The following PIK3C2G variants were observed in gnomAD, a reference collection of about 807,000 sequenced individuals.
PIK3C2G encodes phosphatidylinositol 3-kinase C2 domain-containing subunit gamma.
Under a neutral mutation model 181.1 loss-of-function variants are expected in PIK3C2G, and 168 were observed. The observed-to-expected ratio is 0.93, with a 90% CI of 0.82 to 1.05. The LOEUF (loss-of-function observed/expected upper bound fraction) is 1.05. Ranked by LOEUF, PIK3C2G falls within the 50% of genes least tolerant of loss-of-function variation. The probability of loss-of-function intolerance (pLI) is 0.00; values close to 1 mark genes in which losing one functional copy is unlikely to be tolerated. For missense variants in PIK3C2G, 1,869 were observed against 1,732.8 expected, an observed-to-expected ratio of 1.08 and a Z score of -1.40; for synonymous variants, 573 against 592.2, an observed-to-expected ratio of 0.97 and a Z score of 0.47.
rs375680285 is a variant in PIK3C2G, at chr12:18,640,633, T to G, written c.4308+79T>G. The G allele has an allele frequency of 4.1e-5, 52 of 1,280,562 alleles. 2 individuals carry two copies. The highest frequency in any genetic ancestry group is 2.3e-4 in the Admixed American group (10 of 43,780). 79.3% of individuals were successfully genotyped at this position (1,280,562 alleles called of 1,614,324 possible). On this transcript the variant is annotated intron_variant, in intron 32 of 32. Coordinates refer to ENST00000538779, the MANE Select transcript of PIK3C2G (RefSeq NM_001288772.2). ...CAGCTTAACAACCAAATATGGAAAA[T>G]TTGCAGTAATTGGCAGCATTATTTC... is the stretch of plus-strand genomic sequence containing the variant.
intron 13 of PIK3C2G, among the ~76,000 whole-genome samples, chr12:18,375,604 TG>T (rs1325879985): frequency 6.6e-6 from 1 of 152,174 alleles, no homozygotes; most frequent in Non-Finnish European, 1.5e-5. Context: ...GAAATGGACT[TG>T]GAGCAACCAC....
rs183410664 is a variant in PIK3C2G at position 18,543,279 on chromosome 12, G to A, written c.3481-3044G>A. Among the ~76,000 whole-genome samples, 21 of 151,692 alleles carry A rather than the reference G, an allele frequency of 1.4e-4. No individual in the cohort carries two copies. The South Asian group carries it at 2.5e-3, about 18-fold the overall frequency. On this transcript the variant is annotated intron_variant, in intron 25 of 32. Coordinates refer to ENST00000538779, the MANE Select transcript of PIK3C2G (RefSeq NM_001288772.2). The stretch of plus-strand genomic sequence containing the variant: ...AAATTTGTTTAAGTTTCTTATAGAC[G>A]CTGGGTATTAGACCTTTGTCAGATA...
chr12:18,334,008 T>A, intron 8 of PIK3C2G, among the ~76,000 whole-genome samples: 1 of 152,148 alleles, frequency 6.6e-6, no homozygotes, highest in East Asian at 1.9e-4. Context: ...TCAAGTATGA[T>A]TAATTAATTC....
At chr12:18,437,304 CTTGT>C (rs1946502264) in intron 18 of PIK3C2G, among the ~76,000 whole-genome samples, 1 of 151,898 alleles carries the variant, frequency 6.6e-6, no homozygotes, top group South Asian at 2.1e-4. Context: ...CAGTTACTTT[CTTGT>C]TTATTGTCTA....
chr12:18,527,252 A>C (rs1038719981), intron 24 of PIK3C2G, among the ~76,000 whole-genome samples: 1 of 152,186 alleles, frequency 6.6e-6, no homozygotes, highest in Admixed American at 6.5e-5. Flanking sequence ...TTTTAGACTA[A>C]ATTTGTAGAA....
intron 1 of PIK3C2G, among the ~76,000 whole-genome samples, chr12:18,278,696 G>A (rs560586314): frequency 2.0e-5 from 3 of 152,160 alleles, no homozygotes; most frequent in South Asian, 2.1e-4. Context: ...TTTCAAAGTC[G>A]AAGTGTATGA....
At chr12:18,260,383 A>C (rs957505268), upstream of PIK3C2G, among the ~76,000 whole-genome samples, 1 of 152,056 alleles carries the variant, frequency 6.6e-6, no homozygotes, top group Non-Finnish European at 1.5e-5. Context: ...CAAAGCTAAG[A>C]ATTGCAGCTC....
chr12:18,395,248 C>A (rs1176210363), intron 15 of PIK3C2G, among the ~76,000 whole-genome samples: 1 of 149,222 alleles, frequency 6.7e-6, no homozygotes, highest in Non-Finnish European at 1.5e-5. Flanking sequence ...ATAAAATAAA[C>A]AAATTCCATA....
At chr12:18,281,721 A>G (rs1949226793) in intron 1 of PIK3C2G, among the ~76,000 whole-genome samples, 1 of 152,184 alleles carries the variant, frequency 6.6e-6, no homozygotes, top group East Asian at 1.9e-4. Context: ...CAATAGAAAA[A>G]GAGAATATTG....
At chr12:18,499,472 A>G (rs1941256478) in intron 22 of PIK3C2G, among the ~76,000 whole-genome samples, 1 of 152,238 alleles carries the variant, frequency 6.6e-6, no homozygotes, top group Non-Finnish European at 1.5e-5. Context: ...CCATGACTTT[A>G]TCAACATTAT....
At chr12:18,365,222 T>C (rs1196644081) in intron 12 of PIK3C2G, among the ~76,000 whole-genome samples, 1 of 152,184 alleles carries the variant, frequency 6.6e-6, no homozygotes, top group Non-Finnish European at 1.5e-5. Flanking sequence ...ACATATAAAA[T>C]CTTGACAAGA....
chr12:18,301,047 C>T (rs551060723), intron 5 of PIK3C2G, among the ~76,000 whole-genome samples: 1 of 151,952 alleles, frequency 6.6e-6, no homozygotes, highest in Non-Finnish European at 1.5e-5. Context: ...TCTTACATGG[C>T]CTGTAAAGTT....
Position 18,381,153 on chromosome 12 carries a change from A to G in PIK3C2G, c.1881-613A>G, listed in dbSNP as rs1471070869. Among the ~76,000 whole-genome samples, 3 of 152,184 alleles carry G rather than the reference A, an allele frequency of 2.0e-5. No homozygotes were observed. The East Asian group carries it at 5.8e-4, about 29-fold the overall frequency. On this transcript the variant is annotated intron_variant, in intron 13 of 32. Transcript: ENST00000538779. Reference sequence around the variant, plus strand: ...CTTCCCTGTTTAAAGCCTTTCCTGTATGCACTCTCATTTACTATGGTAATT... The same window carrying G: ...CTTCCCTGTTTAAAGCCTTTCCTGTGTGCACTCTCATTTACTATGGTAATT...
At chr12:18,629,070 G>A (rs1592752523) in intron 31 of PIK3C2G, among the ~76,000 whole-genome samples, 2 of 152,336 alleles carry the variant, frequency 1.3e-5, no homozygotes, top group African/African-American at 4.8e-5. Flanking sequence ...TGAGTGAAAT[G>A]TATTAATTCC....
intron 18 of PIK3C2G, among the ~76,000 whole-genome samples, chr12:18,433,954 A>G (rs1946305752): frequency 6.6e-6 from 1 of 152,188 alleles, no homozygotes; most frequent in African/African-American, 2.4e-5. Flanking sequence ...ACTTACCCAG[A>G]ATCCTTTCAT....
At chr12:18,611,321 G>T (rs912257499) in intron 31 of PIK3C2G, among the ~76,000 whole-genome samples, 1 of 152,080 alleles carries the variant, frequency 6.6e-6, no homozygotes, top group Non-Finnish European at 1.5e-5. Flanking sequence ...CTCAAAAAGA[G>T]TTACTAATGA....
At chr12:18,525,889 A>C (rs911342565) in intron 24 of PIK3C2G, among the ~76,000 whole-genome samples, 1 of 152,190 alleles carries the variant, frequency 6.6e-6, no homozygotes, top group Non-Finnish European at 1.5e-5. Context: ...TCAAAATATC[A>C]TATATCAGTC....
intron 18 of PIK3C2G, among the ~76,000 whole-genome samples, chr12:18,452,597 G>A (rs1159831259): frequency 6.6e-6 from 1 of 151,460 alleles, no homozygotes; most frequent in Non-Finnish European, 1.5e-5. Context: ...GTTAATTCTT[G>A]TCTTCTGCTA....
intron 29 of PIK3C2G, among the ~76,000 whole-genome samples, chr12:18,576,971 A>G (rs1171459155): frequency 6.6e-6 from 1 of 152,144 alleles, no homozygotes; most frequent in Non-Finnish European, 1.5e-5. Context: ...AGCAGTTTGG[A>G]GACAATACCT....
Sources: allele counts gnomAD v4.1 joint callset (sites outside exome capture counted in the v4.1 genomes callset), GRCh38; gene constraint gnomAD v4.1.1; transcripts MANE v1.5; gene names NCBI Gene and HGNC (gene_info 2026-07-23, HGNC 2026-07-21).